Variants in SUGCT observed in about 807,000 individuals in gnomAD.
SUGCT encodes the protein succinyl-CoA:glutarate CoA-transferase.
SUGCT carries 41 observed loss-of-function variants against 55.0 expected under a neutral mutation model. The ratio of observed to expected loss-of-function variants is 0.74; its 90% CI spans 0.58 to 0.97. The LOEUF (loss-of-function observed/expected upper bound fraction) is 0.97, where lower values mean the gene tolerates loss of function less well. SUGCT is among the 50% of genes least tolerant of loss of function. SUGCT has a pLI of 0.00. For synonymous variants in SUGCT, 187 were observed against 200.4 expected (o/e 0.93, Z 0.56); for missense variants, 568 against 547.8 (o/e 1.04, Z -0.37).
intron 6 of SUGCT, among the ~76,000 whole-genome samples, chr7:40,236,707 G>A (rs1024751478): frequency 6.6e-6 from 1 of 152,148 alleles, no homozygotes; most frequent in Non-Finnish European, 1.5e-5. Flanking sequence ...ACCCGGCTGA[G>A]GCATATGGAA....
intron 8 of SUGCT, among the ~76,000 whole-genome samples, chr7:40,309,172 T>C (rs1795003981): frequency 1.3e-5 from 2 of 152,246 alleles, no homozygotes; most frequent in Non-Finnish European, 2.9e-5. Flanking sequence ...GATATTTTCC[T>C]GTATATGTCT....
intron 13 of SUGCT, among the ~76,000 whole-genome samples, chr7:40,828,993 A>C (rs1792512121): frequency 6.6e-6 from 1 of 152,154 alleles, no homozygotes; most frequent in African/African-American, 2.4e-5. Flanking sequence ...TCATGACCCT[A>C]CTAATCAAAG....
chr7:40,929,529 C>T, the SUGCT span, among the ~76,000 whole-genome samples: 13 of 152,158 alleles, frequency 8.5e-5, no homozygotes, highest in Non-Finnish European at 1.8e-4. Context: ...AACTAATTTA[C>T]ACTCCCACCA....
At chr7:40,378,176 A>G (rs1784698769) in intron 9 of SUGCT, among the ~76,000 whole-genome samples, 1 of 151,782 alleles carries the variant, frequency 6.6e-6, no homozygotes, top group East Asian at 2.0e-4. Flanking sequence ...TTTAGGCCCC[A>G]CTTCTCAATC....
intron 12 of SUGCT, among the ~76,000 whole-genome samples, chr7:40,696,488 CCTGTG>C (rs527690586): frequency 2.3e-4 from 35 of 152,232 alleles, no homozygotes; most frequent in African/African-American, 7.9e-4. Flanking sequence ...GCTTCTCACC[CCTGTG>C]CTGTCATGAA....
At chr7:40,738,458 C>T (rs986763286) in intron 12 of SUGCT, among the ~76,000 whole-genome samples, 6 of 151,968 alleles carry the variant, frequency 3.9e-5, no homozygotes. Flanking sequence ...TCAAGAGATA[C>T]ACATAAAACT....
At chr7:40,686,197 G>T (rs1436254191) in intron 12 of SUGCT, among the ~76,000 whole-genome samples, 1 of 151,974 alleles carries the variant, frequency 6.6e-6, no homozygotes, top group African/African-American at 2.4e-5. Flanking sequence ...TGTCATGTTT[G>T]AGGCAGTAAG....
At chr7:40,662,735 C>T (rs922941310) in intron 12 of SUGCT, among the ~76,000 whole-genome samples, 1 of 152,152 alleles carries the variant, frequency 6.6e-6, no homozygotes, top group Non-Finnish European at 1.5e-5. Flanking sequence ...TGCATCATAG[C>T]GCTCTATTTA....
In SUGCT at chr7:40,626,488, G is replaced by A. The variant is rs537433670; in HGVS notation, c.1090-122946G>A. Among the ~76,000 whole-genome samples the A allele has an allele frequency of 3.4e-4, 51 of 151,462 alleles. 1 individual carries two copies. The South Asian group carries it at 9.4e-3, about 28-fold the overall frequency. ...AGGATGGTCTCGATCTCTTGACCTC[G>A]TGATCCACCCGCCTCAGCCTCTCAA... On this transcript the variant is annotated intron_variant, in intron 12 of 13. Coordinates refer to ENST00000335693, the MANE Select transcript of SUGCT (RefSeq NM_001193313.2).
At chr7:40,791,642 C>T (rs1178495939) in intron 13 of SUGCT, among the ~76,000 whole-genome samples, 2 of 151,984 alleles carry the variant, frequency 1.3e-5, no homozygotes, top group East Asian at 1.9e-4. Context: ...AACAAATAGT[C>T]GAATGCTGGC....
At chr7:40,135,420 C>T (rs1280492412) in intron 1 of SUGCT, among the ~76,000 whole-genome samples, 1 of 152,238 alleles carries the variant, frequency 6.6e-6, no homozygotes, top group Non-Finnish European at 1.5e-5. Context: ...CTTTCGTCCG[C>T]CAAGTTTAAG....
intron 9 of SUGCT, among the ~76,000 whole-genome samples, chr7:40,365,872 C>G (rs1783923777): frequency 6.6e-6 from 1 of 152,208 alleles, no homozygotes; most frequent in Non-Finnish European, 1.5e-5. Context: ...CCATCCCCAT[C>G]AAGCTACCAA....
chr7:41,021,248 A>G, the SUGCT span, among the ~76,000 whole-genome samples: 1 of 152,186 alleles, frequency 6.6e-6, no homozygotes, highest in African/African-American at 2.4e-5. Context: ...AGAAATCCAC[A>G]TGGAATCTGG....
At chr7:40,700,025 A>G (rs936801232) in intron 12 of SUGCT, among the ~76,000 whole-genome samples, 6 of 152,100 alleles carry the variant, frequency 3.9e-5, no homozygotes, top group African/African-American at 1.2e-4. Flanking sequence ...GCTTTATTGG[A>G]GAAATCTTTT....
the SUGCT span, among the ~76,000 whole-genome samples, chr7:40,949,118 T>C: frequency 6.6e-6 from 1 of 152,222 alleles, no homozygotes; most frequent in African/African-American, 2.4e-5. Flanking sequence ...CAGCATCTGT[T>C]GTTTCCTGAC....
chr7:40,623,513 C>T (rs1004079266), intron 12 of SUGCT, among the ~76,000 whole-genome samples: 2 of 152,034 alleles, frequency 1.3e-5, no homozygotes, highest in African/African-American at 2.4e-5. Context: ...TCATTTTATA[C>T]TCCCTCTTCT....
chr7:40,443,354 T>C (rs1010565133), intron 9 of SUGCT, among the ~76,000 whole-genome samples: 5 of 152,202 alleles, frequency 3.3e-5, no homozygotes, highest in African/African-American at 1.2e-4. Flanking sequence ...GTAAAAGTGC[T>C]CCTATTTCTC....
chr7:40,506,569 C>T (rs1792609611), intron 12 of SUGCT, among the ~76,000 whole-genome samples: 1 of 152,074 alleles, frequency 6.6e-6, no homozygotes, highest in Non-Finnish European at 1.5e-5. Flanking sequence ...CATTGAGGTT[C>T]TTGGATGTTT....
At chr7:40,451,569 T>A (rs1044986038) in intron 10 of SUGCT, among the ~76,000 whole-genome samples, 5 of 152,188 alleles carry the variant, frequency 3.3e-5, no homozygotes, top group African/African-American at 1.2e-4. Context: ...TGATAATCCC[T>A]GTTATGAGCC....
Sources: allele counts gnomAD v4.1 joint callset (sites outside exome capture counted in the v4.1 genomes callset), GRCh38; gene constraint gnomAD v4.1.1; transcripts MANE v1.5; gene names NCBI Gene and HGNC (gene_info 2026-07-23, HGNC 2026-07-21).